ALG8: variants seen among roughly 807,000 people sequenced by gnomAD.
The protein encoded by ALG8 is dolichyl pyrophosphate Glc1Man9GlcNAc2 alpha-1,3-glucosyltransferase.
A neutral mutation model predicts 70.2 loss-of-function variants in ALG8; 48 were observed. The ratio of observed to expected loss-of-function variants is 0.68; its 90% CI spans 0.54 to 0.87. The LOEUF (loss-of-function observed/expected upper bound fraction) is 0.87, where lower values mean the gene tolerates loss of function less well. Ranked by LOEUF, ALG8 falls within the 40% of genes least tolerant of loss-of-function variation. ALG8 has a pLI of 0.00. For synonymous variants in ALG8, 234 were observed against 229.0 expected, an observed-to-expected ratio of 1.02 and a Z score of -0.20; for missense variants, 572 against 608.7, an observed-to-expected ratio of 0.94 and a Z score of 0.64.
chr11:78,123,414 C>G (rs1419588498), intron 3 of ALG8, among the ~76,000 whole-genome samples: 1 of 149,752 alleles, frequency 6.7e-6, no homozygotes, highest in Non-Finnish European at 1.5e-5. Flanking sequence ...GCAAGACATT[C>G]TATATATGTG....
chr11:78,115,749 A>G (rs590280), intron 5 of ALG8, among the ~76,000 whole-genome samples: 33,139 of 152,152 alleles, frequency 0.22, 4,461 homozygotes, highest in African/African-American at 0.38. Context: ...GATTTATCAC[A>G]TACTAAGCCT....
chr11:78,120,932 G>A, intron 4 of ALG8, 133 bp downstream of exon 4: 1 of 801,974 alleles, frequency 1.2e-6, no homozygotes, highest in South Asian at 1.5e-5. Context: ...ACAGTTAAGT[G>A]AGCCTACTAA....
intron 10 of ALG8, among the ~76,000 whole-genome samples, chr11:78,104,854 C>T (rs763320982): frequency 2.6e-5 from 4 of 151,898 alleles, no homozygotes; most frequent in Non-Finnish European, 5.9e-5. Context: ...ATCCCAGCTA[C>T]TCAGGAGGCT....
intron 1 of ALG8, among the ~76,000 whole-genome samples, chr11:78,131,985 A>C (rs623386): frequency 0.22 from 33,170 of 152,120 alleles, 4,469 homozygotes; most frequent in African/African-American, 0.38. Context: ...TCTAAAAGAT[A>C]TTTTTGGATC....
intron 9 of ALG8, among the ~76,000 whole-genome samples, chr11:78,107,215 AT>A (rs1860078246): frequency 6.8e-6 from 1 of 147,488 alleles, no homozygotes; most frequent in African/African-American, 2.5e-5. Context: ...ATATATATAT[AT>A]ATATATAATT....
rs114446599 is a variant in ALG8 at position 78,110,721 on chromosome 11, C to T, written c.899-1140G>A. 4.3e-3 allele frequency among the ~76,000 whole-genome samples: 654 copies of T among 152,244 alleles called. 3 individuals are homozygous for T. The highest frequency in any genetic ancestry group is 0.015 in the African/African-American group (630 of 41,542). On this transcript the variant is annotated intron_variant, in intron 8 of 12. Transcript: ENST00000299626. ...AGGACAGTCAGAGACAGTTTGAGCA[C>T]CTATAGGGCCTGTCAAATGCCAGTG...
chr11:78,106,636 G>A (rs894093884), intron 10 of ALG8, among the ~76,000 whole-genome samples, 171 bp downstream of exon 10: 1 of 152,136 alleles, frequency 6.6e-6, no homozygotes, highest in Non-Finnish European at 1.5e-5. Flanking sequence ...TACCTTCATG[G>A]GTCCAAGAAT....
At chr11:78,106,291 G>A (rs952122968) in intron 10 of ALG8, among the ~76,000 whole-genome samples, 12 of 151,400 alleles carry the variant, frequency 7.9e-5, no homozygotes, top group Non-Finnish European at 1.3e-4. Flanking sequence ...TCTTCCTCCC[G>A]GGTTCAAGCA....
At chr11:78,108,076 G>A (rs1409262116) in intron 9 of ALG8, among the ~76,000 whole-genome samples, 2 of 151,466 alleles carry the variant, frequency 1.3e-5, no homozygotes, top group African/African-American at 2.4e-5. Context: ...TCAGGAGATC[G>A]AGACCATCCT....
chr11:78,123,885 A>G lies in ALG8; in HGVS notation c.368+136T>C, dbSNP rs1860941080. On this transcript the variant is annotated intron_variant, in intron 3 of 12. Coordinates refer to ENST00000299626, the MANE Select transcript of ALG8 (RefSeq NM_024079.5). The stretch of plus-strand genomic sequence containing the variant: ...GCTTTAAACATGTAGTTTAAAGCAC[A>G]ATACAATTTTTCATTGTTTTAGCAT... The G allele has an allele frequency of 3.0e-6, 3 of 993,886 alleles. No homozygotes were observed. In the Admixed American group the frequency reaches 6.0e-5, roughly 20 times the overall value. The allele number at this position is 993,886 out of a possible 1,614,324, so 61.6% of individuals were successfully genotyped here.
At chr11:78,120,273 G>A (rs558905383) in intron 4 of ALG8, among the ~76,000 whole-genome samples, 53 of 152,096 alleles carry the variant, frequency 3.5e-4, no homozygotes, top group Non-Finnish European at 6.9e-4. Flanking sequence ...CAGCTCAGGG[G>A]CAAGAAGTTT....
At chr11:78,121,211 T>A (rs1038257482) in intron 3 of ALG8, 37 bp from the exon 4 acceptor site, 15 of 1,432,126 alleles carry the variant, frequency 1.0e-5, no homozygotes, top group Non-Finnish European at 1.4e-5. Context: ...AGAAACAACT[T>A]TGATCTTCAT....
chr11:78,109,990 C>T (rs534777780), intron 8 of ALG8, among the ~76,000 whole-genome samples: 1 of 152,138 alleles, frequency 6.6e-6, no homozygotes, highest in Non-Finnish European at 1.5e-5. Context: ...CGCCCCTTCC[C>T]CCCTGTTCAA....
intron 2 of ALG8, among the ~76,000 whole-genome samples, chr11:78,125,758 G>A (rs1413161855): frequency 6.6e-6 from 1 of 152,100 alleles, no homozygotes; most frequent in Admixed American, 6.6e-5. Flanking sequence ...CCAGTCAGCC[G>A]AGATCGTGCC....
intron 11 of ALG8, 143 bp downstream of exon 11, chr11:78,104,212 AG>A: frequency 1.0e-6 from 1 of 955,550 alleles, no homozygotes. Context: ...TGAGAATTAC[AG>A]GAAATTGGAG....
In ALG8 at chr11:78,104,399, TGTG is replaced by T. The variant is rs1326389029; in HGVS notation, c.1230_1232del (p.Thr412del). Reference sequence around the variant, plus strand: ...GAGGAAAGAGGGAATAATGTCCTGTTGTGGTCAGAATCAGAAAAATCGAAGCGT... The same window carrying T: ...GAGGAAAGAGGGAATAATGTCCTGTTGTCAGAATCAGAAAAATCGAAGCGT... On this transcript the variant is annotated inframe_deletion, in exon 11 of 13. Coordinates refer to ENST00000299626, the MANE Select transcript of ALG8 (RefSeq NM_024079.5). 6.2e-6 allele frequency: 10 copies of T among 1,601,840 alleles called. No individual in the cohort carries two copies. The highest frequency in any genetic ancestry group is 8.5e-6 in the Non-Finnish European group (10 of 1,174,158).
intron 3 of ALG8, 119 bp downstream of exon 3, chr11:78,123,901 GT>G (rs2136925302): frequency 8.8e-7 from 1 of 1,132,574 alleles, no homozygotes; most frequent in East Asian, 2.4e-5. Context: ...ATTTTTCATT[GT>G]TTTAGCATTT....
intron 6 of ALG8, 34 bp downstream of exon 6, chr11:78,114,232 C>A (rs201887966): frequency 1.2e-6 from 2 of 1,613,290 alleles, no homozygotes; most frequent in South Asian, 1.1e-5. Context: ...AGGGAAAAAT[C>A]GAAAATGTTT....
At chr11:78,134,032 G>A (rs745661074) in intron 1 of ALG8, among the ~76,000 whole-genome samples, 2 of 152,052 alleles carry the variant, frequency 1.3e-5, no homozygotes, top group African/African-American at 4.8e-5. Context: ...CTGCACCTTC[G>A]GCAAGTCCTA....
Sources: gnomAD v4.1 joint callset for allele counts (sites outside exome capture counted in the v4.1 genomes callset) on GRCh38, gnomAD v4.1.1 for gene constraint, MANE v1.5 for transcripts, NCBI Gene and HGNC (gene_info 2026-07-23, HGNC 2026-07-21) for gene names.